The following NSD2 variants were observed in gnomAD, a reference collection of about 807,000 sequenced individuals.
The protein encoded by NSD2 is histone-lysine N-methyltransferase NSD2.
In NSD2, 12 loss-of-function variants were observed where a neutral mutation model predicts 139.0. The ratio of observed to expected loss-of-function variants is 0.09; its 90% CI spans 0.06 to 0.14. NSD2 has a LOEUF of 0.14. Ranked by LOEUF, NSD2 falls within the 10% of genes least tolerant of loss-of-function variation. The probability of loss-of-function intolerance (pLI) is 1.00; values close to 1 mark genes in which losing one functional copy is unlikely to be tolerated. For missense variants in NSD2, 1,155 were observed against 1,745.0 expected (o/e 0.66, Z 6.02); for synonymous variants, 669 against 648.7 (o/e 1.03, Z -0.48).
At chr4:1,947,631 C>T in intron 9 of NSD2, 1 of 1,055,248 alleles carries the variant, frequency 9.5e-7, no homozygotes, top group African/African-American at 1.7e-5. Flanking sequence ...TGAAATTAGT[C>T]TTGATTTCAC....
chr4:1,880,739 T>A (rs1448016834), intron 1 of NSD2, among the ~76,000 whole-genome samples: 2 of 151,968 alleles, frequency 1.3e-5, no homozygotes, highest in East Asian at 3.9e-4. Context: ...TGTGGGAAAC[T>A]ATAAGACCAG....
chr4:1,959,424 G>T (rs377547136), intron 16 of NSD2, 47 bp from the exon 17 acceptor site: 1 of 1,588,830 alleles, frequency 6.3e-7, no homozygotes, highest in South Asian at 1.2e-5. Context: ...AAGGGTATTC[G>T]GAAGGCTCTC....
intron 1 of NSD2, among the ~76,000 whole-genome samples, chr4:1,874,699 A>C (rs1714123128): frequency 6.6e-6 from 1 of 152,202 alleles, no homozygotes; most frequent in Non-Finnish European, 1.5e-5. Flanking sequence ...AGTAGAACAG[A>C]TCTGTACTAC....
Position 1,964,671 on chromosome 4 carries a change from C to T in NSD2, c.3372+3520C>T, listed in dbSNP as rs202200306. On this transcript the variant is annotated intron_variant, in intron 18 of 21. Transcript: ENST00000508803. ...CACACCTCCCTCAGTCGTTACAAGC[C>T]CCTCCCCCTCCAGCTGAAGTATCTT... Among the ~76,000 whole-genome samples, 12 of 152,166 alleles carry T rather than the reference C, an allele frequency of 7.9e-5. No homozygotes were observed. The East Asian group carries it at 2.3e-3, about 29-fold the overall frequency.
At chr4:1,898,949 C>G (rs746862738) in intron 1 of NSD2, among the ~76,000 whole-genome samples, 4 of 152,156 alleles carry the variant, frequency 2.6e-5, no homozygotes, top group Non-Finnish European at 5.9e-5. Context: ...TCCATTTTCT[C>G]TCTGCTTTTG....
chr4:1,874,381 A>G (rs1714097007), intron 1 of NSD2, among the ~76,000 whole-genome samples: 1 of 152,012 alleles, frequency 6.6e-6, no homozygotes, highest in African/African-American at 2.4e-5. Context: ...AGCATAATTC[A>G]TGGCTTTTTA....
Position 1,942,440 on chromosome 4 carries a change from A to G in NSD2, c.1881+2662A>G, listed in dbSNP as rs778041769. Reference sequence around the variant, plus strand: ...TCCAGGATGCTGCTGCAGGTGGCGTATCATCGTACACACTCAGTGACATTT... The same window carrying G: ...TCCAGGATGCTGCTGCAGGTGGCGTGTCATCGTACACACTCAGTGACATTT... On this transcript the variant is annotated intron_variant, in intron 9 of 21. Coordinates refer to ENST00000508803, the MANE Select transcript of NSD2 (RefSeq NM_001042424.3). This position sits in a 1 kb window ranked among gnomAD's most constrained non-coding sequence, Gnocchi z 4.0. 17 of 1,598,744 alleles carry G rather than the reference A, an allele frequency of 1.1e-5. No individual in the cohort carries two copies. The highest frequency in any genetic ancestry group is 1.4e-5 in the Non-Finnish European group (16 of 1,174,250).
chr4:1,977,588 C>T (rs1727229973), intron 21 of NSD2, among the ~76,000 whole-genome samples: 1 of 151,976 alleles, frequency 6.6e-6, no homozygotes, highest in African/African-American at 2.4e-5. Context: ...CCAGTCTGAC[C>T]AACATGGTGA....
chr4:1,977,051 T>C (rs28415064), intron 21 of NSD2, among the ~76,000 whole-genome samples: 15,068 of 152,286 alleles, frequency 0.099, 2,299 homozygotes, highest in African/African-American at 0.33. Context: ...TCTACAACAG[T>C]GTCTCCCTGG....
intron 2 of NSD2, 89 bp downstream of exon 2, chr4:1,901,340 G>A (rs1036556171): frequency 4.4e-5 from 52 of 1,194,584 alleles, no homozygotes; most frequent in Non-Finnish European, 5.6e-5. Context: ...GTACTGGGGC[G>A]GGCGGAGAAG....
At position 1,973,744 on chromosome 4, in the gene NSD2, C is replaced by T. The variant is rs982615439; in HGVS notation, c.3373-1119C>T. Among the ~76,000 whole-genome samples, 8 of 152,242 alleles carry T rather than the reference C, an allele frequency of 5.3e-5. No individual in the cohort carries two copies. Among genetic ancestry groups the T allele is most frequent in the East Asian group, 1.9e-4 (1 of 5,192 alleles). ...TGTGAATAGTGACTCCGAAGCCTGC[C>T]GCTTCCTGGGACCATGTTTATCCCA... On this transcript the variant is annotated intron_variant, in intron 18 of 21. Transcript: ENST00000508803. This position sits in a 1 kb window ranked among gnomAD's most constrained non-coding sequence, Gnocchi z 5.5.
At chr4:1,945,923 A>T in intron 9 of NSD2, 1 of 1,057,736 alleles carries the variant, frequency 9.5e-7, no homozygotes, top group Non-Finnish European at 1.1e-6. Context: ...CTTCTCTAAC[A>T]TCTAGCCCTT....
At chr4:1,977,292 C>T (rs1560819579) in intron 21 of NSD2, among the ~76,000 whole-genome samples, 1 of 152,234 alleles carries the variant, frequency 6.6e-6, no homozygotes, top group Non-Finnish European at 1.5e-5. Flanking sequence ...AAAACAGTAG[C>T]GTCTTGTTCC....
chr4:1,883,572 A>G (rs1714858513), intron 1 of NSD2, among the ~76,000 whole-genome samples: 1 of 150,988 alleles, frequency 6.6e-6, no homozygotes, highest in African/African-American at 2.4e-5. Context: ...TGGAGGTTGC[A>G]GTGAGCCCAG....
In NSD2 at chr4:1,955,174, G is replaced by A; in HGVS notation, c.2352G>A (p.Arg784=). The change falls in exon 13 of 22, where the codon CGG becomes CGA. Residue 784 remains arginine (R), a synonymous_variant. Transcript: ENST00000508803. This position sits in a 1 kb window ranked among gnomAD's most constrained non-coding sequence, Gnocchi z 4.7. ...NPRPSKGKMM[R]CVRCPVAYHS... is the part of the protein sequence containing the mutation. ...CTTTGCCTTCAGGTAAAATGATGCG[G>A]TGTGTCCGCTGCCCCGTTGCCTATC... The A allele has an allele frequency of 6.2e-7, 1 of 1,610,466 alleles. No homozygotes were observed. Among genetic ancestry groups the A allele is most frequent in the Non-Finnish European group, 8.5e-7 (1 of 1,176,826 alleles).
At chr4:1,901,528 C>T (rs1717175562) in intron 2 of NSD2, among the ~76,000 whole-genome samples, 1 of 152,220 alleles carries the variant, frequency 6.6e-6, no homozygotes, top group Non-Finnish European at 1.5e-5. Flanking sequence ...AGAGGCAAAG[C>T]TTGTTTCTTA....
Position 1,980,299 on chromosome 4 carries a change from G to T in NSD2, c.*1390G>T. ...TTTTTTGAGGGATCCTTGACCCTGG[G>T]AAGTCTGGAGCACCCTGAGAAGGGG... On this transcript the variant is annotated 3_prime_UTR_variant, in exon 22 of 22. Transcript: ENST00000508803. 4.3e-6 allele frequency: 1 copy of T among 233,248 alleles called. No homozygotes were observed. The allele number at this position is 233,248 out of a possible 1,614,324, so 14.4% of individuals were successfully genotyped here. A position where few individuals can be genotyped will look rare whatever the true frequency, so the allele number is the denominator to read the frequency against.
intron 1 of NSD2, among the ~76,000 whole-genome samples, chr4:1,885,422 C>T (rs1194419706): frequency 6.6e-6 from 1 of 152,158 alleles, no homozygotes. Context: ...ATTGCCTTCT[C>T]TTTTCTTTGC....
chr4:1,913,611 T>C (rs1173376256), intron 3 of NSD2, among the ~76,000 whole-genome samples: 1 of 152,228 alleles, frequency 6.6e-6, no homozygotes, highest in African/African-American at 2.4e-5. Context: ...TCTCTCTCTC[T>C]GCCTCGGCTA....
Sources: allele counts gnomAD v4.1 joint callset (sites outside exome capture counted in the v4.1 genomes callset), GRCh38; gene constraint gnomAD v4.1.1; non-coding constraint Gnocchi (gnomAD v3.1); transcripts MANE v1.5; gene names NCBI Gene and HGNC (gene_info 2026-07-23, HGNC 2026-07-21).